NADSYN1: variants seen among roughly 807,000 people sequenced by gnomAD.
NADSYN1 encodes glutamine-dependent NAD(+) synthetase.
NADSYN1 carries 80 observed loss-of-function variants against 99.3 expected under a neutral mutation model. The ratio of observed to expected loss-of-function variants is 0.81; its 90% CI spans 0.67 to 0.97. The LOEUF is 0.97. NADSYN1 is among the 50% of genes least tolerant of loss of function. The pLI is 0.00. For synonymous variants in NADSYN1, 385 were observed against 372.1 expected, an observed-to-expected ratio of 1.03 and a Z score of -0.40; for missense variants, 859 against 948.5, an observed-to-expected ratio of 0.91 and a Z score of 1.24.
Position 71,486,729 on chromosome 11 carries a change from G to A in NADSYN1, c.1562+1081G>A, listed in dbSNP as rs553879496. Among the ~76,000 whole-genome samples the A allele has an allele frequency of 8.0e-4, 119 of 148,792 alleles. 2 individuals are homozygous for A. Among genetic ancestry groups the A allele is most frequent in the Non-Finnish European group, 5.5e-4 (37 of 67,540 alleles). On this transcript the variant is annotated intron_variant, in intron 16 of 20. Transcript: ENST00000319023. The stretch of plus-strand genomic sequence containing the variant: ...CCATCTCTCCCTTTGTCCATCCATC[G>A]ACCCATCTGTCCACATTTCCTCCCT...
At chr11:71,472,558 A>T (rs928920895) in intron 6 of NADSYN1, 58 bp downstream of exon 6, 2 of 1,492,070 alleles carry the variant, frequency 1.3e-6, no homozygotes, top group African/African-American at 1.4e-5. Context: ...CTCGGCCAAC[A>T]GTGGACCAGG....
chr11:71,484,198 G>T, intron 14 of NADSYN1, 114 bp from the exon 15 acceptor site: 1 of 1,441,014 alleles, frequency 6.9e-7, no homozygotes. Context: ...CAAATCATAC[G>T]CTTTAAATGG....
rs575814527 is a variant in NADSYN1 at position 71,464,760 on chromosome 11, G to A, written c.407+618G>A. On this transcript the variant is annotated intron_variant, in intron 5 of 20. Coordinates refer to ENST00000319023, the MANE Select transcript of NADSYN1 (RefSeq NM_018161.5). ...TGGGCACCTGTAGTCCCAGCTACTC[G>A]GGAGGCTGAGGCAGGAGAATGGCAT... Among the ~76,000 whole-genome samples, 177 of 151,542 alleles carry A rather than the reference G, an allele frequency of 1.2e-3. 1 individual carries two copies. Among genetic ancestry groups the A allele is most frequent in the African/African-American group, 4.0e-3 (165 of 41,260 alleles).
rs887177276 is a variant in NADSYN1 at position 71,481,657 on chromosome 11, T to C, written c.1047+253T>C. On this transcript the variant is annotated intron_variant, in intron 12 of 20. Coordinates refer to ENST00000319023, the MANE Select transcript of NADSYN1 (RefSeq NM_018161.5). The stretch of plus-strand genomic sequence containing the variant: ...TCAGCATTCAGGGTCACGCTCACCA[T>C]CTTGCCAGCATTGTAATCATGCGTA... The C allele has an allele frequency of 5.0e-6, 3 of 603,012 alleles. No individual in the cohort carries two copies. The African/African-American group carries it at 5.6e-5, about 11-fold the overall frequency. 37.4% of individuals were successfully genotyped at this position (603,012 alleles called of 1,614,324 possible).
At chr11:71,500,760 A>G (rs1460253205) in intron 20 of NADSYN1, among the ~76,000 whole-genome samples, 4 of 152,074 alleles carry the variant, frequency 2.6e-5, no homozygotes, top group South Asian at 2.1e-4. Flanking sequence ...CTGCTGCCCT[A>G]TATCCCCTGC....
chr11:71,476,326 A>G (rs541610992), intron 9 of NADSYN1: 6 of 356,804 alleles, frequency 1.7e-5, no homozygotes, highest in South Asian at 1.3e-4. Context: ...CTGGCTTTGC[A>G]GGAGCAGGGC....
In NADSYN1 at chr11:71,501,257, A is replaced by G. The variant is rs759744460; in HGVS notation, c.2071-45A>G. On this transcript the variant is annotated intron_variant, in intron 20 of 20. Transcript: ENST00000319023. ...CGTGCCAGTGTTTCAACAGCCCCACAGTCCGTCTTTGCGGGGCTGTGGTGT... is the reference window on the plus strand; with the variant it reads ...CGTGCCAGTGTTTCAACAGCCCCACGGTCCGTCTTTGCGGGGCTGTGGTGT... 1.5e-5 allele frequency: 22 copies of G among 1,487,004 alleles called. 1 individual carries two copies. In the South Asian group the frequency reaches 2.8e-4, roughly 19 times the overall value. The allele number at this position is 1,487,004 out of a possible 1,614,324, so 92.1% of individuals were successfully genotyped here.
At chr11:71,499,526 G>T (rs1591138878) in intron 20 of NADSYN1, 1 of 152,286 alleles carries the variant, frequency 6.6e-6, no homozygotes. Flanking sequence ...AGTAGCCAGG[G>T]TATCCAGATG....
In NADSYN1 at chr11:71,469,629, C is replaced by T. The variant is rs530536289; in HGVS notation, c.408-2820C>T. ...GAACATGTCCTTAAGGCACAGATCA[C>T]TCATGCTATTGTTTGTGGTTCAGGA... On this transcript the variant is annotated intron_variant, in intron 5 of 20. Coordinates refer to ENST00000319023, the MANE Select transcript of NADSYN1 (RefSeq NM_018161.5). Among the ~76,000 whole-genome samples the T allele has an allele frequency of 2.6e-5, 4 of 152,358 alleles. No individual in the cohort carries two copies. In the South Asian group the frequency reaches 8.3e-4, roughly 32 times the overall value.
Position 71,474,524 on chromosome 11 carries a change from G to C in NADSYN1, c.796G>C (p.Val266Leu), listed in dbSNP as rs775959507. ...AGGATCCCAGTTTTCTCTGGATGACGTGGTAATGAGCGGGCCTGGACATGC... is the reference window on the plus strand; with the variant it reads ...AGGATCCCAGTTTTCTCTGGATGACCTGGTAATGAGCGGGCCTGGACATGC... ...AQGSQFSLDDVEVLTATLDLE... is the reference protein window; with the variant it reads ...AQGSQFSLDDLEVLTATLDLE... Residue 266 changes from valine to leucine, a missense_variant and splice_region_variant, in exon 9 of 21, where the codon GTG becomes CTG. By Grantham distance (32) the Val-to-Leu change is conservative. Coordinates refer to ENST00000319023, the MANE Select transcript of NADSYN1 (RefSeq NM_018161.5). The C allele has an allele frequency of 6.2e-7, 1 of 1,614,118 alleles. No homozygotes were observed. Among genetic ancestry groups the C allele is most frequent in the Non-Finnish European group, 8.5e-7 (1 of 1,179,962 alleles).
Position 71,453,251 on chromosome 11 carries a change from T to A in NADSYN1, c.-46T>A. On this transcript the variant is annotated 5_prime_UTR_variant, in exon 1 of 21. Coordinates refer to ENST00000319023, the MANE Select transcript of NADSYN1 (RefSeq NM_018161.5). Reference sequence around the variant, plus strand: ...GCCGCCTACCTCGCTGGGACCCTGGTCTTGCTGTCCCCCGCTGGCCTCCTG... The same window carrying A: ...GCCGCCTACCTCGCTGGGACCCTGGACTTGCTGTCCCCCGCTGGCCTCCTG... 1 of 1,565,798 alleles carries A rather than the reference T, an allele frequency of 6.4e-7. No individual in the cohort carries two copies. The highest frequency in any genetic ancestry group is 8.8e-7 in the Non-Finnish European group (1 of 1,141,040).
chr11:71,500,862 AG>A (rs1949852386), intron 20 of NADSYN1, among the ~76,000 whole-genome samples: 2 of 152,168 alleles, frequency 1.3e-5, no homozygotes, highest in South Asian at 4.1e-4. Flanking sequence ...CTGGGTCACC[AG>A]GCAGTGGAGT....
chr11:71,470,623 G>T (rs1216925173), intron 5 of NADSYN1, among the ~76,000 whole-genome samples: 1 of 152,262 alleles, frequency 6.6e-6, no homozygotes, highest in Non-Finnish European at 1.5e-5. Flanking sequence ...CTGCTTAGGT[G>T]CCGTGGGATG....
chr11:71,475,953 A>G (rs992449147), intron 9 of NADSYN1: 2 of 450,512 alleles, frequency 4.4e-6, no homozygotes, highest in Non-Finnish European at 8.9e-6. Flanking sequence ...AGCTCAGGCA[A>G]TCCACGCACC....
In NADSYN1 at chr11:71,482,009, G is replaced by A. The variant is rs1307095368; in HGVS notation, c.1134G>A (p.Glu378=). 5.6e-6 allele frequency: 9 copies of A among 1,611,540 alleles called. No homozygotes were observed. Among genetic ancestry groups the A allele is most frequent in the Non-Finnish European group, 7.6e-6 (9 of 1,178,944 alleles). The change falls in exon 13 of 21, where the codon GAG becomes GAA. Residue 378 remains glutamate, a synonymous_variant. Coordinates refer to ENST00000319023, the MANE Select transcript of NADSYN1 (RefSeq NM_018161.5). ...LIYSMCCQVC[E]AVRSGNEEVL... is the part of the protein sequence containing the mutation. Reference sequence around the variant, plus strand: ...ACTCCATGTGCTGCCAGGTCTGCGAGGCCGTGAGGAGTGGAAGTAGGTGAC... The same window carrying A: ...ACTCCATGTGCTGCCAGGTCTGCGAAGCCGTGAGGAGTGGAAGTAGGTGAC...
At chr11:71,460,791 T>C (rs1484812454) in intron 3 of NADSYN1, 2 of 152,258 alleles carry the variant, frequency 1.3e-5, no homozygotes, top group Non-Finnish European at 2.9e-5. Context: ...ATAACTTCCA[T>C]CCTGCATCGT....
intron 10 of NADSYN1, chr11:71,479,703 G>C (rs1377615137): frequency 1.3e-5 from 2 of 152,144 alleles, no homozygotes; most frequent in African/African-American, 4.8e-5. Context: ...CTATGTGTTG[G>C]GTGCAGCCAC....
rs1160085427 is a variant in NADSYN1, at chr11:71,463,492, C to G, written c.317+7C>G. 1 of 1,613,424 alleles carries G rather than the reference C, an allele frequency of 6.2e-7. No individual in the cohort carries two copies. The highest frequency in any genetic ancestry group is 1.1e-5 in the South Asian group (1 of 91,036). On this transcript the variant is annotated splice_region_variant and intron_variant, in intron 4 of 20. Transcript: ENST00000319023. Reference sequence around the variant, plus strand: ...GAGTGATATTCCTCAACAGGTAGGCCCCCTGCCCCCACCCCGGGAGGGTGA... The same window carrying G: ...GAGTGATATTCCTCAACAGGTAGGCGCCCTGCCCCCACCCCGGGAGGGTGA...
chr11:71,476,802 G>A (rs1444185787), intron 9 of NADSYN1: 6 of 985,768 alleles, frequency 6.1e-6, no homozygotes, highest in African/African-American at 3.5e-5. Flanking sequence ...CAGGACCCCC[G>A]CAGGTTCCCG....
Sources: allele counts gnomAD v4.1 joint callset (sites outside exome capture counted in the v4.1 genomes callset), GRCh38; gene constraint gnomAD v4.1.1; transcripts MANE v1.5; gene names NCBI Gene and HGNC (gene_info 2026-07-23, HGNC 2026-07-21).